Variants in C16orf74 observed in about 807,000 individuals in gnomAD.
C16orf74 encodes uncharacterized protein C16orf74.
In C16orf74, 10 loss-of-function variants were observed where a neutral mutation model predicts 6.5. That is an observed-to-expected ratio of 1.54 (90% CI 0.95 to 2.61). The LOEUF (loss-of-function observed/expected upper bound fraction) is 2.61. Ranked by LOEUF, C16orf74 falls within the 30% of genes most tolerant of loss-of-function variation. The pLI is 0.00. For missense variants in C16orf74, 141 were observed against 105.9 expected (o/e 1.33, Z -1.45); for synonymous variants, 60 against 42.5 (o/e 1.41, Z -1.60).
intron 2 of C16orf74, among the ~76,000 whole-genome samples, chr16:85,715,985 GGCCCCC>G (rs2054019279): frequency 2.8e-5 from 4 of 143,870 alleles, no homozygotes; most frequent in African/African-American, 1.2e-4. Flanking sequence ...TCCTTGCGGA[GGCCCCC>G]GACAAAAGGA....
chr16:85,708,551 C>A (rs888125314), intron 3 of C16orf74, among the ~76,000 whole-genome samples: 1 of 152,204 alleles, frequency 6.6e-6, no homozygotes, highest in Non-Finnish European at 1.5e-5. Context: ...CTGGGCGAGG[C>A]ACTGTCCCTC....
intron 1 of C16orf74, among the ~76,000 whole-genome samples, chr16:85,736,668 T>C (rs773009571): frequency 1.6e-4 from 24 of 152,162 alleles, no homozygotes; most frequent in South Asian, 2.1e-4. Flanking sequence ...AGCTTCCCCA[T>C]TGCACTAGCT....
In C16orf74 at chr16:85,726,999, G is replaced by C. The variant is rs574899283; in HGVS notation, c.28+8191C>G. Among the ~76,000 whole-genome samples, 10 of 152,356 alleles carry C rather than the reference G, an allele frequency of 6.6e-5. No individual in the cohort carries two copies. The South Asian group carries it at 2.1e-3, about 32-fold the overall frequency. On this transcript the variant is annotated intron_variant, in intron 2 of 3. Coordinates refer to ENST00000284245, the MANE Select transcript of C16orf74 (RefSeq NM_206967.3). ...AGCCACCCCGGGTAGGCAGGTGCTA[G>C]CTTCCATCCAGCACTGAGTTAGCAT...
chr16:85,710,330 C>T (rs2152057404), intron 2 of C16orf74, 23 bp from the exon 3 acceptor site: 1 of 1,479,244 alleles, frequency 6.8e-7, no homozygotes, highest in South Asian at 1.4e-5. Flanking sequence ...GCGTGGAGCA[C>T]ACACGCACGT....
intron 1 of C16orf74, among the ~76,000 whole-genome samples, chr16:85,748,945 TTTA>T (rs540862003): frequency 0.094 from 9,755 of 104,016 alleles, 517 homozygotes; most frequent in Admixed American, 0.25. Context: ...TTTTTTTTTT[TTTA>T]TTTTATTTTT....
intron 2 of C16orf74, among the ~76,000 whole-genome samples, chr16:85,724,330 C>A (rs2054111565): frequency 6.6e-6 from 1 of 152,186 alleles, no homozygotes; most frequent in African/African-American, 2.4e-5. Flanking sequence ...ACTTCTAGAG[C>A]ACGTGGTGCA....
At chr16:85,717,654 C>T (rs1309531151) in intron 2 of C16orf74, among the ~76,000 whole-genome samples, 1 of 152,212 alleles carries the variant, frequency 6.6e-6, no homozygotes, top group Non-Finnish European at 1.5e-5. Flanking sequence ...CGGAGCCAGG[C>T]TCTGGGCTGA....
At chr16:85,718,073 GTTCT>G (rs1484475305) in intron 2 of C16orf74, among the ~76,000 whole-genome samples, 3 of 152,178 alleles carry the variant, frequency 2.0e-5, no homozygotes, top group Non-Finnish European at 1.5e-5. Flanking sequence ...CCCTCTACTA[GTTCT>G]TTTTCATTTC....
At chr16:85,740,033 A>C (rs557826593) in intron 1 of C16orf74, among the ~76,000 whole-genome samples, 1 of 151,464 alleles carries the variant, frequency 6.6e-6, no homozygotes, top group East Asian at 2.0e-4. Context: ...AACATGGTGA[A>C]ACCCCGTCTC....
intron 2 of C16orf74, among the ~76,000 whole-genome samples, chr16:85,716,501 G>C (rs1485881910): frequency 7.1e-6 from 1 of 141,252 alleles, no homozygotes; most frequent in East Asian, 2.2e-4. Context: ...AAGGAGAGGA[G>C]GAAGGGAGGG....
intron 1 of C16orf74, among the ~76,000 whole-genome samples, chr16:85,735,506 A>T (rs410687): frequency 9.2e-4 from 140 of 152,240 alleles, no homozygotes; most frequent in African/African-American, 3.3e-3. Flanking sequence ...TGGCTCTGTG[A>T]GGTCACTTGA....
chr16:85,735,636 C>T lies in C16orf74; in HGVS notation c.-18-401G>A, dbSNP rs555512347. Among the ~76,000 whole-genome samples, 7 of 151,752 alleles carry T rather than the reference C, an allele frequency of 4.6e-5. No homozygotes were observed. In the South Asian group the frequency reaches 1.3e-3, roughly 27 times the overall value. On this transcript the variant is annotated intron_variant, in intron 1 of 3. Coordinates refer to ENST00000284245, the MANE Select transcript of C16orf74 (RefSeq NM_206967.3). ...GATGTGAAGACCTGCCAGCAGGGCT[C>T]GGGGGTGGCCCAGAGGCCCCCATGG...
intron 1 of C16orf74, among the ~76,000 whole-genome samples, chr16:85,749,979 A>G (rs1311617111): frequency 6.6e-6 from 1 of 152,146 alleles, no homozygotes; most frequent in Non-Finnish European, 1.5e-5. Context: ...CGTGGCCTGC[A>G]CAGGTGAGGG....
intron 1 of C16orf74, among the ~76,000 whole-genome samples, chr16:85,746,096 C>T (rs1251688957): frequency 6.6e-6 from 1 of 152,114 alleles, no homozygotes; most frequent in African/African-American, 2.4e-5. Flanking sequence ...CCTGTCATCC[C>T]AGCACTTTGG....
chr16:85,733,372 A>AT (rs1282312823), intron 2 of C16orf74, among the ~76,000 whole-genome samples: 1 of 152,136 alleles, frequency 6.6e-6, no homozygotes, highest in East Asian at 1.9e-4. Context: ...AGGAAGTAGA[A>AT]TGGTGGCTGC....
In C16orf74 at chr16:85,722,615, C is replaced by T. The variant is rs147106512; in HGVS notation, c.29-12308G>A. Among the ~76,000 whole-genome samples, 4 of 152,366 alleles carry T rather than the reference C, an allele frequency of 2.6e-5. No individual in the cohort carries two copies. In the East Asian group the frequency reaches 7.7e-4, roughly 29 times the overall value. On this transcript the variant is annotated intron_variant, in intron 2 of 3. Coordinates refer to ENST00000284245, the MANE Select transcript of C16orf74 (RefSeq NM_206967.3). ...CCCAGGGCCCCAGGACTGCCTTGCTCTGCTCGCTCCCTGATCAGGGACCAG... is the reference window on the plus strand; with the variant it reads ...CCCAGGGCCCCAGGACTGCCTTGCTTTGCTCGCTCCCTGATCAGGGACCAG...
intron 2 of C16orf74, among the ~76,000 whole-genome samples, chr16:85,722,230 C>G (rs543034854): frequency 1.1e-4 from 16 of 152,160 alleles, no homozygotes; most frequent in African/African-American, 3.9e-4. Flanking sequence ...ATGCATGGTA[C>G]TAAGAGGAAG....
intron 2 of C16orf74, among the ~76,000 whole-genome samples, chr16:85,732,716 C>T (rs192244886): frequency 6.7e-6 from 1 of 149,384 alleles, no homozygotes; most frequent in East Asian, 2.0e-4. Flanking sequence ...ATCCCCATTC[C>T]CCAAGTCACC....
At chr16:85,742,287 C>T (rs1279047401) in intron 1 of C16orf74, among the ~76,000 whole-genome samples, 2 of 152,152 alleles carry the variant, frequency 1.3e-5, no homozygotes. Flanking sequence ...GAATGAGAAT[C>T]GCTTGAACCT....
Sources: allele counts gnomAD v4.1 joint callset (sites outside exome capture counted in the v4.1 genomes callset), GRCh38; gene constraint gnomAD v4.1.1; transcripts MANE v1.5; gene names NCBI Gene and HGNC (gene_info 2026-07-23, HGNC 2026-07-21).